MTREX: variants seen among roughly 807,000 people sequenced by gnomAD.
MTREX encodes Mtr4 exosome RNA helicase, also known as exosome RNA helicase MTR4.
MTREX carries 76 observed loss-of-function variants against 135.4 expected under a neutral mutation model. That is an observed-to-expected ratio of 0.56 (90% CI 0.47 to 0.68). MTREX has a LOEUF of 0.68. MTREX is among the 30% of genes least tolerant of loss of function. The pLI is 0.00. For synonymous variants in MTREX, 404 were observed against 401.6 expected, an observed-to-expected ratio of 1.01 and a Z score of -0.07; for missense variants, 920 against 1,262.1, an observed-to-expected ratio of 0.73 and a Z score of 4.11.
intron 19 of MTREX, among the ~76,000 whole-genome samples, chr5:55,393,640 A>T (rs1431584338): frequency 6.6e-6 from 1 of 152,200 alleles, no homozygotes; most frequent in Admixed American, 6.5e-5. Flanking sequence ...TCTAAGGATA[A>T]AAATACTTCC....
Position 55,416,144 on chromosome 5 carries a change from T to A in MTREX, c.2971+12T>A, listed in dbSNP as rs552581640. On this transcript the variant is annotated intron_variant, in intron 25 of 26. Coordinates refer to ENST00000230640, the MANE Select transcript of MTREX (RefSeq NM_015360.5). The stretch of plus-strand genomic sequence containing the variant: ...AGATGTCTTTGAAGGTATGGTTAAA[T>A]TTTACACATATATATTTACAGTATA... The A allele has an allele frequency of 1.7e-5, 27 of 1,546,706 alleles. No homozygotes were observed. The South Asian group carries it at 3.2e-4, about 18-fold the overall frequency.
chr5:55,405,286 C>A (rs1750784466), intron 21 of MTREX, 139 bp from the exon 22 acceptor site: 2 of 639,514 alleles, frequency 3.1e-6, no homozygotes, highest in Non-Finnish European at 5.2e-6. Flanking sequence ...TCCCCAGTCT[C>A]CCCAGCACTG....
chr5:55,350,917 A>G lies in MTREX; in HGVS notation c.1321-2A>G. 1 of 1,586,400 alleles carries G rather than the reference A, an allele frequency of 6.3e-7. No homozygotes were observed. Among genetic ancestry groups the G allele is most frequent in the South Asian group, 1.2e-5 (1 of 84,450 alleles). ...AAAATCAGTGTTATTCCAAAATCAC[A>G]GGTAGAACATGTACTTCCTCTTTTG... is the stretch of plus-strand genomic sequence containing the variant. On this transcript the variant is annotated splice_acceptor_variant, in intron 12 of 26. Coordinates refer to ENST00000230640, the MANE Select transcript of MTREX (RefSeq NM_015360.5). LOFTEE classifies it high-confidence loss of function.
chr5:55,417,893 TTTTTTTTA>T (rs1190612983), intron 25 of MTREX, among the ~76,000 whole-genome samples: 4 of 151,812 alleles, frequency 2.6e-5, no homozygotes, highest in Non-Finnish European at 5.9e-5. Context: ...AGAGAGTAGC[TTTTTTTTA>T]TTTTTTTATT....
At chr5:55,378,011 AAT>A (rs1750332465) in intron 16 of MTREX, among the ~76,000 whole-genome samples, 1 of 152,066 alleles carries the variant, frequency 6.6e-6, no homozygotes. Context: ...AAAAAAAAAA[AAT>A]CATAATGGGC....
In MTREX at chr5:55,358,516, A is replaced by G. The variant is rs894511998; in HGVS notation, c.1534-57A>G. The G allele has an allele frequency of 1.8e-5, 25 of 1,401,824 alleles. No homozygotes were observed. The African/African-American group carries it at 3.7e-4, about 21-fold the overall frequency. The allele number at this position is 1,401,824 out of a possible 1,614,324, so 86.8% of individuals were successfully genotyped here. A position where few individuals can be genotyped will look rare whatever the true frequency, so the allele number is the denominator to read the frequency against. On this transcript the variant is annotated intron_variant, in intron 14 of 26. Transcript: ENST00000230640. ...ATTTTATAAAAAGAGAAATTTTAAG[A>G]ATATGTTTTTTACCAGTTTTTTTCC...
intron 9 of MTREX, among the ~76,000 whole-genome samples, 168 bp downstream of exon 9, chr5:55,344,788 A>G (rs1380779583): frequency 6.6e-6 from 1 of 152,148 alleles, no homozygotes; most frequent in African/African-American, 2.4e-5. Context: ...TATTTCAAAC[A>G]TTATGTTTGA....
At chr5:55,339,582 G>A in intron 5 of MTREX, among the ~76,000 whole-genome samples, 1 of 152,174 alleles carries the variant, frequency 6.6e-6, no homozygotes, top group East Asian at 1.9e-4. Flanking sequence ...ACTGTTACAT[G>A]TGGGAAAAGA....
chr5:55,327,686 G>GT (rs548331068), intron 3 of MTREX, 30 bp from the exon 4 acceptor site: 2,330 of 1,513,124 alleles, frequency 1.5e-3, no homozygotes, highest in Non-Finnish European at 1.8e-3. Context: ...AGTTGGTGAG[G>GT]TTTTTTTTTC....
intron 3 of MTREX, among the ~76,000 whole-genome samples, chr5:55,325,510 T>A (rs574239471): frequency 1.3e-5 from 2 of 151,420 alleles, no homozygotes; most frequent in South Asian, 2.1e-4. Context: ...TTTTTTTTTT[T>A]AATTTTTTTT....
At chr5:55,360,698 G>A (rs534884211) in intron 15 of MTREX, among the ~76,000 whole-genome samples, 48 of 152,138 alleles carry the variant, frequency 3.2e-4, no homozygotes, top group Non-Finnish European at 6.0e-4. Flanking sequence ...TTGACTGATT[G>A]AAAGGAGTAC....
chr5:55,355,101 G>A (rs538654252), intron 14 of MTREX, among the ~76,000 whole-genome samples: 1 of 152,194 alleles, frequency 6.6e-6, no homozygotes, highest in Non-Finnish European at 1.5e-5. Context: ...TCAAGAGAAG[G>A]AGAGAGTTAA....
Position 55,400,563 on chromosome 5 carries a change from A to T in MTREX, c.2481+142A>T, listed in dbSNP as rs374216118. The stretch of plus-strand genomic sequence containing the variant: ...TCTTTTAAATAAACTGTCAGCTCTG[A>T]ACCTGTCAGCTCTCATCAGCAAGAC... On this transcript the variant is annotated intron_variant, in intron 21 of 26. Transcript: ENST00000230640. 2.6e-4 allele frequency: 146 copies of T among 566,568 alleles called. No individual in the cohort carries two copies. In the African/African-American group the frequency reaches 2.6e-3, roughly 10 times the overall value. 35.1% of individuals were successfully genotyped at this position (566,568 alleles called of 1,614,324 possible). A position where few individuals can be genotyped will look rare whatever the true frequency, so the allele number is the denominator to read the frequency against.
intron 14 of MTREX, chr5:55,357,313 A>T (rs1475485327): frequency 6.6e-6 from 1 of 152,414 alleles, no homozygotes; most frequent in Non-Finnish European, 1.5e-5. Context: ...CCCTGTATTT[A>T]GCCACCCTGG....
chr5:55,360,225 T>C (rs1749985157), intron 15 of MTREX, among the ~76,000 whole-genome samples: 1 of 152,204 alleles, frequency 6.6e-6, no homozygotes. Flanking sequence ...TCTGGCTTTT[T>C]TTCACTTAGC....
chr5:55,423,113 AGT>A, intron 26 of MTREX, 131 bp downstream of exon 26: 1 of 652,466 alleles, frequency 1.5e-6, no homozygotes, highest in East Asian at 2.8e-5. Context: ...GCTATCTACT[AGT>A]GTTTCTATAA....
chr5:55,366,929 A>G (rs1274060199), intron 16 of MTREX, 54 bp downstream of exon 16: 3 of 1,389,562 alleles, frequency 2.2e-6, no homozygotes, highest in Non-Finnish European at 2.9e-6. Context: ...CTGACTAGCA[A>G]AATGTCTGCA....
At chr5:55,365,954 G>A (rs957765738) in intron 15 of MTREX, among the ~76,000 whole-genome samples, 3 of 149,904 alleles carry the variant, frequency 2.0e-5, no homozygotes, top group Non-Finnish European at 4.4e-5. Context: ...TCACGCCATT[G>A]CACTCCAGCC....
chr5:55,415,361 A>AAATATTTTT (rs1211811951), intron 24 of MTREX, among the ~76,000 whole-genome samples: 2 of 152,248 alleles, frequency 1.3e-5, no homozygotes, highest in East Asian at 3.9e-4. Flanking sequence ...ATAAAAGTTA[A>AAATATTTTT]AATATTTTTA....
Sources: gnomAD v4.1 joint callset for allele counts (sites outside exome capture counted in the v4.1 genomes callset) on GRCh38, gnomAD v4.1.1 for gene constraint, MANE v1.5 for transcripts, NCBI Gene and HGNC (gene_info 2026-07-23, HGNC 2026-07-21) for gene names.